RTTN: variants seen among roughly 807,000 people sequenced by gnomAD.
The protein encoded by RTTN is rotatin.
A neutral mutation model predicts 269.2 loss-of-function variants in RTTN; 182 were observed. The observed-to-expected ratio is 0.68, with a 90% CI of 0.60 to 0.76. RTTN has a LOEUF of 0.76. RTTN is among the 30% of genes least tolerant of loss of function. The probability of loss-of-function intolerance (pLI) is 0.00; values close to 1 mark genes in which losing one functional copy is unlikely to be tolerated. For synonymous variants in RTTN, 1,006 were observed against 963.5 expected, an observed-to-expected ratio of 1.04 and a Z score of -0.82; for missense variants, 2,545 against 2,608.6, an observed-to-expected ratio of 0.98 and a Z score of 0.53.
Position 70,205,635 on chromosome 18 carries a change from C to T in RTTN, c.24G>A (p.Arg8=). 3.7e-6 allele frequency: 6 copies of T among 1,614,160 alleles called. No homozygotes were observed. Among genetic ancestry groups the T allele is most frequent in the Non-Finnish European group, 5.1e-6 (6 of 1,180,028 alleles). The change falls in exon 1 of 49, where the codon AGG becomes AGA. Residue 8 remains arginine, a synonymous_variant. Coordinates refer to ENST00000640769, the MANE Select transcript of RTTN (RefSeq NM_173630.4). ...GGGCAAGCTGACAGTTACCGAGTTTCCTGATGAGCCCTGCCAGGACCATCT... is the reference window on the plus strand; with the variant it reads ...GGGCAAGCTGACAGTTACCGAGTTTTCTGATGAGCCCTGCCAGGACCATCT... The part of the protein sequence containing the change: MVLAGLI[R]KLGHQLAEIR...
intron 37 of RTTN, among the ~76,000 whole-genome samples, chr18:70,054,998 G>A (rs1285856340): frequency 6.6e-6 from 1 of 152,014 alleles, no homozygotes; most frequent in African/African-American, 2.4e-5. Context: ...CCTAGTTATT[G>A]CTACAAATAA....
At chr18:70,140,966 T>A (rs2060242216) in intron 19 of RTTN, among the ~76,000 whole-genome samples, 1 of 152,020 alleles carries the variant, frequency 6.6e-6, no homozygotes, top group Admixed American at 6.6e-5. Flanking sequence ...ATTGTAACAA[T>A]CTTTAGCTGC....
Position 70,017,406 on chromosome 18 carries a change from C to A in RTTN, c.6421+1G>T, listed in dbSNP as rs374274442. On this transcript the variant is annotated splice_donor_variant, in intron 46 of 48. Transcript: ENST00000640769. LOFTEE classifies it high-confidence loss of function. ...AAATGTATGTGTGTGTGAAAACTTA[C>A]CATTAGCCAGGATCTTGGGTTTATT... 16 of 1,613,126 alleles carry A rather than the reference C, an allele frequency of 9.9e-6. No homozygotes were observed. Among genetic ancestry groups the A allele is most frequent in the Non-Finnish European group, 1.4e-5 (16 of 1,179,500 alleles).
chr18:70,101,470 CTTCT>C (rs1181271711), intron 28 of RTTN, among the ~76,000 whole-genome samples: 2 of 151,868 alleles, frequency 1.3e-5, no homozygotes, highest in African/African-American at 4.8e-5. Context: ...TCTCTCTTTT[CTTCT>C]TTATTAGTCT....
chr18:70,094,748 A>C (rs781062507), intron 28 of RTTN, among the ~76,000 whole-genome samples: 1 of 152,168 alleles, frequency 6.6e-6, no homozygotes, highest in Non-Finnish European at 1.5e-5. Flanking sequence ...TGCTGAGAAG[A>C]ATGTATATTC....
Position 70,204,108 on chromosome 18 carries a change from G to A in RTTN, c.375C>T (p.Ala125=), listed in dbSNP as rs778213570. 21 of 1,612,218 alleles carry A rather than the reference G, an allele frequency of 1.3e-5. No individual in the cohort carries two copies. The highest frequency in any genetic ancestry group is 3.3e-5 in the Admixed American group (2 of 59,864). The change falls in exon 3 of 49, where the codon GCC becomes GCT. Residue 125 remains alanine, a synonymous_variant. Coordinates refer to ENST00000640769, the MANE Select transcript of RTTN (RefSeq NM_173630.4). ...TACCAGTTTGATTGGTTTGGTATGAGGCAGAAGATAGTGCAGGAACTTCCG... is the reference window on the plus strand; with the variant it reads ...TACCAGTTTGATTGGTTTGGTATGAAGCAGAAGATAGTGCAGGAACTTCCG... The part of the protein sequence containing the change: ...LPSEVPALSS[A]SYQTNQTELS...
intron 43 of RTTN, among the ~76,000 whole-genome samples, chr18:70,026,908 C>T (rs2056869923): frequency 6.6e-6 from 1 of 152,166 alleles, no homozygotes. Context: ...CTGGATGCCC[C>T]AAAGACTCTT....
intron 27 of RTTN, among the ~76,000 whole-genome samples, chr18:70,114,210 TG>T (rs2059546619): frequency 6.6e-6 from 1 of 152,052 alleles, no homozygotes; most frequent in Non-Finnish European, 1.5e-5. Flanking sequence ...AGAACAAAAC[TG>T]TGTGTGTGCA....
intron 35 of RTTN, among the ~76,000 whole-genome samples, chr18:70,062,808 T>A (rs2058029106): frequency 6.6e-6 from 1 of 152,086 alleles, no homozygotes; most frequent in African/African-American, 2.4e-5. Flanking sequence ...AGATACAGTC[T>A]CACTATCGTG....
chr18:70,015,442 A>C (rs544687267), intron 46 of RTTN, among the ~76,000 whole-genome samples: 1 of 152,294 alleles, frequency 6.6e-6, no homozygotes, highest in Admixed American at 6.5e-5. Context: ...TGTGGGTGCT[A>C]CCGATCAGAG....
At chr18:70,090,059 C>T (rs1386110482) in intron 30 of RTTN, among the ~76,000 whole-genome samples, 2 of 152,180 alleles carry the variant, frequency 1.3e-5, no homozygotes, top group Admixed American at 6.5e-5. Context: ...TGGACTTAAT[C>T]AGACATCTCA....
chr18:70,040,421 A>G (rs575407554), intron 40 of RTTN, among the ~76,000 whole-genome samples: 2 of 152,354 alleles, frequency 1.3e-5, no homozygotes, highest in South Asian at 4.1e-4. Context: ...GCAAGAGGAT[A>G]CAATGATTGT....
At chr18:70,187,096 C>G (rs2061564538) in intron 10 of RTTN, among the ~76,000 whole-genome samples, 1 of 152,124 alleles carries the variant, frequency 6.6e-6, no homozygotes, top group Admixed American at 6.5e-5. Context: ...ATAGCATAAG[C>G]CCATTATTCT....
intron 37 of RTTN, among the ~76,000 whole-genome samples, chr18:70,056,127 G>A (rs891386505): frequency 2.6e-5 from 4 of 152,194 alleles, no homozygotes; most frequent in African/African-American, 7.2e-5. Context: ...CAGACTCTAC[G>A]TGAGGAGAGA....
At position 70,190,651 on chromosome 18, in the gene RTTN, A is replaced by G. The variant is rs772137594; in HGVS notation, c.1076T>C (p.Ile359Thr). ...TTCAGTTTCCAGCTCTGGCAGATCT[A>G]TGTGTCCCATATCCAAAGGTGAATG... ...SVHSPLDMGH[I>T]DLPELETEDT... The change falls in exon 9 of 49, where the codon ATA becomes ACA. Residue 359 changes from isoleucine to threonine, a missense_variant. Ile to Thr is a moderately conservative substitution (Grantham distance 89). Coordinates refer to ENST00000640769, the MANE Select transcript of RTTN (RefSeq NM_173630.4). 5 of 1,613,656 alleles carry G rather than the reference A, an allele frequency of 3.1e-6. No homozygotes were observed. Among genetic ancestry groups the G allele is most frequent in the South Asian group, 2.2e-5 (2 of 91,056 alleles).
At chr18:70,025,862 T>C (rs1399797952) in intron 43 of RTTN, among the ~76,000 whole-genome samples, 3 of 152,218 alleles carry the variant, frequency 2.0e-5, no homozygotes, top group African/African-American at 7.2e-5. Flanking sequence ...CATCCATCTG[T>C]GTTCTGAAAC....
At chr18:70,205,396 T>G in intron 1 of RTTN, 81 bp from the exon 2 acceptor site, 1 of 1,559,674 alleles carries the variant, frequency 6.4e-7, no homozygotes, top group Non-Finnish European at 8.8e-7. Flanking sequence ...AGGAGCGGCG[T>G]GAAGACGGAA....
chr18:70,013,160 G>A (rs1046128205), intron 46 of RTTN, among the ~76,000 whole-genome samples: 2 of 152,098 alleles, frequency 1.3e-5, no homozygotes, highest in Admixed American at 1.3e-4. Flanking sequence ...AATTTATCAC[G>A]TGAGGTTATG....
rs772453861 is a variant in RTTN at position 70,092,154 on chromosome 18, C to T, written c.4099G>A (p.Gly1367Arg). The change falls in exon 30 of 49, where the codon GGA becomes AGA. Residue 1367 changes from glycine (G) to arginine (R), a missense_variant. Gly to Arg is a moderately radical substitution (Grantham distance 125). Transcript: ENST00000640769. ...HSEEHIPTQQ[G>R]LAWLIPLWVD... ...CATAATGGAATCAACCAAGCCAATC[C>T]TTGTTGAGTAGGAATATGTTCTTCA... 2.2e-5 allele frequency: 35 copies of T among 1,613,586 alleles called. No homozygotes were observed. The highest frequency in any genetic ancestry group is 3.0e-5 in the Non-Finnish European group (35 of 1,179,636).
Sources: gnomAD v4.1 joint callset for allele counts (sites outside exome capture counted in the v4.1 genomes callset) on GRCh38, gnomAD v4.1.1 for gene constraint, MANE v1.5 for transcripts, NCBI Gene and HGNC (gene_info 2026-07-23, HGNC 2026-07-21) for gene names.